Variants in LILRA4 observed in about 807,000 individuals in gnomAD.
LILRA4 encodes leukocyte immunoglobulin-like receptor subfamily A member 4.
Under a neutral mutation model 49.5 loss-of-function variants are expected in LILRA4, and 51 were observed. The observed-to-expected ratio is 1.03, with a 90% CI of 0.82 to 1.30. The LOEUF (loss-of-function observed/expected upper bound fraction) is 1.30. Among genes scored for constraint, LILRA4 ranks in the 50% most tolerant of loss-of-function variants. The probability of loss-of-function intolerance (pLI) is 0.00; values close to 1 mark genes in which losing one functional copy is unlikely to be tolerated. For synonymous variants in LILRA4, 272 were observed against 265.6 expected (o/e 1.02, Z -0.23); for missense variants, 624 against 625.6 (o/e 1.00, Z 0.03).
chr19:54,338,032 A>C lies in LILRA4; in HGVS notation c.559T>G (p.Phe187Val). 6.2e-7 allele frequency: 1 copy of C among 1,613,968 alleles called. No homozygotes were observed. The highest frequency in any genetic ancestry group is 1.1e-5 in the South Asian group (1 of 91,072). Residue 187 changes from phenylalanine to valine, a missense_variant, in exon 4 of 8, where the codon TTC (phenylalanine) becomes GTC (valine). By Grantham distance (50) the Phe-to-Val change is conservative (BLOSUM62 -1). Coordinates refer to ENST00000291759, the MANE Select transcript of LILRA4 (RefSeq NM_012276.5). Reference sequence around the variant, plus strand: ...CATCTGAATGTACCCCTGTTGCTGAAGGTCAGGGGGCCCATGGGGAACAGG... The same window carrying C: ...CATCTGAATGTACCCCTGTTGCTGACGGTCAGGGGGCCCATGGGGAACAGG... ...QALFPMGPLT[F>V]SNRGTFRCYG...
chr19:54,338,139 C>T lies in LILRA4; in HGVS notation c.452G>A (p.Arg151Lys). 1 of 1,614,106 alleles carries T rather than the reference C, an allele frequency of 6.2e-7. No individual in the cohort carries two copies. The highest frequency in any genetic ancestry group is 8.5e-7 in the Non-Finnish European group (1 of 1,179,982). The change falls in exon 4 of 8, where the codon AGG becomes AAG. Residue 151 changes from arginine (R) to lysine (K), a missense_variant. Arg to Lys is a conservative substitution (Grantham distance 26, BLOSUM62 2). Coordinates refer to ENST00000291759, the MANE Select transcript of LILRA4 (RefSeq NM_012276.5). ...LRCASRLGLG[R>K]FTLIEEGDHR... The stretch of plus-strand genomic sequence containing the variant: ...GTCTCCTTCCTCAATCAGAGTGAAC[C>T]TGCCCAGTCCCAGCCGTGAGGCACA...
rs539201339 is a variant in LILRA4 at position 54,337,509 on chromosome 19, G to C, written c.843C>G (p.Thr281=). The stretch of plus-strand genomic sequence containing the variant: ...CGTAGGAGCGGCTCACAGGGCTCAG[G>C]GTGAAGTTGGCCTGGGAGAGCCCAG... ...PQAGLSQANF[T]LSPVSRSYGG... The change falls in exon 5 of 8, where the codon ACC becomes ACG. Residue 281 remains threonine, a synonymous_variant. Transcript: ENST00000291759. The C allele has an allele frequency of 1.4e-5, 22 of 1,612,882 alleles. No homozygotes were observed. In the South Asian group the frequency reaches 1.9e-4, roughly 14 times the overall value.
rs1263033280 is a variant in LILRA4, at chr19:54,337,071, AGG to A, written c.1023_1024del (p.Leu342AlafsTer33). 6.2e-7 allele frequency: 1 copy of A among 1,614,034 alleles called. No homozygotes were observed. Among genetic ancestry groups the A allele is most frequent in the South Asian group, 1.1e-5 (1 of 91,084 alleles). On this transcript the variant is annotated frameshift_variant, in exon 6 of 8. Transcript: ENST00000291759. LOFTEE classifies it high-confidence loss of function. ...CATCGGGTCCCATGACTGACACAGC[AGG>A]GTCACCTTCTCTCCTGAGGTCACCG...
intron 6 of LILRA4, 177 bp downstream of exon 6, chr19:54,336,664 C>G: frequency 1.0e-6 from 1 of 982,988 alleles, no homozygotes. Context: ...GTGTCCTGAA[C>G]TCTCCTGGGG....
chr19:54,334,148 G>A, intron 6 of LILRA4, 183 bp from the exon 7 acceptor site: 2 of 574,886 alleles, frequency 3.5e-6, no homozygotes, highest in South Asian at 4.7e-5. Flanking sequence ...TGTGCTCTGG[G>A]AATTCAGATC....
chr19:54,336,019 C>T (rs55720826), intron 6 of LILRA4: 28,711 of 152,024 alleles, frequency 0.19, 2,790 homozygotes, highest in Middle Eastern at 0.22. Context: ...TTCCCCTTGT[C>T]CATGTCAGGC....
In LILRA4 at chr19:54,338,172, G is replaced by A; in HGVS notation, c.419C>T (p.Thr140Ile). The A allele has an allele frequency of 2.5e-6, 4 of 1,614,080 alleles. No individual in the cohort carries two copies. Among genetic ancestry groups the A allele is most frequent in the Non-Finnish European group, 3.4e-6 (4 of 1,179,954 alleles). Residue 140 changes from threonine (T) to isoleucine (I), a missense_variant, in exon 4 of 8, where the codon ACC becomes ATC. Physicochemically the swap from Thr to Ile is moderately conservative, Grantham distance 89. Coordinates refer to ENST00000291759, the MANE Select transcript of LILRA4 (RefSeq NM_012276.5). Reference protein sequence around the residue: ...SPVVTSGVNVTLRCASRLGLG... With the variant: ...SPVVTSGVNVILRCASRLGLG... ...TCCCAGCCGTGAGGCACACCGGAGG[G>A]TCACGTTCACTCCTGAGGTCACCAC...
chr19:54,334,124 T>G (rs1300100057), intron 6 of LILRA4, 159 bp from the exon 7 acceptor site: 1 of 614,790 alleles, frequency 1.6e-6, no homozygotes, highest in Non-Finnish European at 2.9e-6. Context: ...CGTCATTGGG[T>G]TTTTCAACCT....
At chr19:54,338,356 G>A (rs748643251) in intron 3 of LILRA4, 40 bp downstream of exon 3, 3 of 1,611,266 alleles carry the variant, frequency 1.9e-6, no homozygotes, top group Non-Finnish European at 1.7e-6. Flanking sequence ...CCCTTCCCGA[G>A]GGCAGAGCCT....
In LILRA4 at chr19:54,338,603, G is replaced by A. The variant is rs1382013063; in HGVS notation, c.148C>T (p.Gln50Ter). The change falls in exon 3 of 8, where the codon CAG becomes TAG. Residue 50 changes from glutamine (Q) to a stop codon, truncating the protein, a stop_gained. Transcript: ENST00000291759. LOFTEE classifies it high-confidence loss of function. ...TACCCCTGGGCCTCCAGGGTGCCCT[G>A]ACACCAGATGGTCACGGGGTTATGC... is the stretch of plus-strand genomic sequence containing the variant. ...TWHNPVTIWC[Q>*]GTLEAQGYRL... 6.2e-7 allele frequency: 1 copy of A among 1,614,110 alleles called. No homozygotes were observed. Among genetic ancestry groups the A allele is most frequent in the East Asian group, 2.2e-5 (1 of 44,886 alleles).
At position 54,337,075 on chromosome 19, in the gene LILRA4, T is replaced by C. The variant is rs902223059; in HGVS notation, c.1021A>G (p.Thr341Ala). 2.5e-6 allele frequency: 4 copies of C among 1,613,712 alleles called. No individual in the cohort carries two copies. The African/African-American group carries it at 4.0e-5, about 16-fold the overall frequency. ...GPTVTSGEKVTLLCQSWDPMF... is the reference protein window; with the variant it reads ...GPTVTSGEKVALLCQSWDPMF... ...GGGTCCCATGACTGACACAGCAGGGTCACCTTCTCTCCTGAGGTCACCGTG... is the reference window on the plus strand; with the variant it reads ...GGGTCCCATGACTGACACAGCAGGGCCACCTTCTCTCCTGAGGTCACCGTG... The change falls in exon 6 of 8, where the codon ACC becomes GCC. Residue 341 changes from threonine to alanine, a missense_variant. Transcript: ENST00000291759.
Position 54,337,492 on chromosome 19 carries a change from C to A in LILRA4, c.860G>T (p.Arg287Leu). ...QANFTLSPVS[R>L]SYGGQYRCYG... Reference sequence around the variant, plus strand: ...GCATCTGTACTGGCCCCCGTAGGAGCGGCTCACAGGGCTCAGGGTGAAGTT... The same window carrying A: ...GCATCTGTACTGGCCCCCGTAGGAGAGGCTCACAGGGCTCAGGGTGAAGTT... Residue 287 changes from arginine to leucine, a missense_variant, in exon 5 of 8, where the codon CGC (arginine) becomes CTC (leucine). By Grantham distance (102) the Arg-to-Leu change is moderately radical. Coordinates refer to ENST00000291759, the MANE Select transcript of LILRA4 (RefSeq NM_012276.5). 1 of 1,612,468 alleles carries A rather than the reference C, an allele frequency of 6.2e-7. No homozygotes were observed. The highest frequency in any genetic ancestry group is 1.3e-5 in the African/African-American group (1 of 74,976).
chr19:54,339,036 C>T, intron 1 of LILRA4, 24 bp downstream of exon 1: 1 of 1,613,900 alleles, frequency 6.2e-7, no homozygotes, highest in Non-Finnish European at 8.5e-7. Flanking sequence ...ACTAGGGTCT[C>T]TCCTCCCCCT....
chr19:54,337,911 T>C, intron 4 of LILRA4, 25 bp downstream of exon 4: 6 of 1,589,178 alleles, frequency 3.8e-6, no homozygotes, highest in Non-Finnish European at 5.1e-6. Context: ...TGACTTTGTA[T>C]AAGGAAAAGC....
Position 54,338,426 on chromosome 19 carries a change from G to A in LILRA4, c.325C>T (p.Pro109Ser). The A allele has an allele frequency of 1.2e-6, 2 of 1,614,124 alleles. No individual in the cohort carries two copies. The highest frequency in any genetic ancestry group is 1.3e-5 in the African/African-American group (1 of 75,052). The change falls in exon 3 of 8, where the codon CCC (proline) becomes TCC (serine). Residue 109 changes from proline to serine, a missense_variant. By Grantham distance (74) the Pro-to-Ser change is moderately conservative. Transcript: ENST00000291759. ...YYQSPAGWSEPSDPLELVVTA... is the reference protein window; with the variant it reads ...YYQSPAGWSESSDPLELVVTA... ...ACCACCAGCTCCAGGGGGTCGCTGG[G>A]CTCTGACCAGCCTGCAGGGCTCTGA... is the stretch of plus-strand genomic sequence containing the variant.
chr19:54,334,366 G>GAGTT, intron 6 of LILRA4: 1 of 184,050 alleles, frequency 5.4e-6, no homozygotes, highest in African/African-American at 2.4e-5. Flanking sequence ...TGTGGATGAG[G>GAGTT]AGTTGGTCCT....
At chr19:54,335,925 T>C (rs2081318591) in intron 6 of LILRA4, 1 of 152,226 alleles carries the variant, frequency 6.6e-6, no homozygotes, top group South Asian at 2.1e-4. Context: ...ATATTTGAGA[T>C]GAGAAAGATG....
At chr19:54,337,272 C>A in intron 5 of LILRA4, 128 bp downstream of exon 5, 1 of 1,428,124 alleles carries the variant, frequency 7.0e-7, no homozygotes, top group Non-Finnish European at 9.5e-7. Flanking sequence ...CCGCCCATCC[C>A]CTGTCTCTGT....
chr19:54,333,360 G>A lies in LILRA4; in HGVS notation c.*212C>T, dbSNP rs2081290353. ...GGGCGGACCCAAACCCACCATAGGG[G>A]TGAAGCCTTACATCATAGGGAAGAA... is the stretch of plus-strand genomic sequence containing the variant. On this transcript the variant is annotated 3_prime_UTR_variant, in exon 8 of 8. Transcript: ENST00000291759. 9.9e-6 allele frequency: 6 copies of A among 604,092 alleles called. No individual in the cohort carries two copies. Among genetic ancestry groups the A allele is most frequent in the South Asian group, 6.5e-5 (3 of 46,174 alleles). 37.4% of individuals were successfully genotyped at this position (604,092 alleles called of 1,614,324 possible).
Sources: gnomAD v4.1 joint callset for allele counts on GRCh38, gnomAD v4.1.1 for gene constraint, MANE v1.5 for transcripts, NCBI Gene and HGNC (gene_info 2026-07-23, HGNC 2026-07-21) for gene names.